KCNH7: variants seen among roughly 807,000 people sequenced by gnomAD.
The protein encoded by KCNH7 is voltage-gated inwardly rectifying potassium channel KCNH7.
A neutral mutation model predicts 120.8 loss-of-function variants in KCNH7; 49 were observed. That is an observed-to-expected ratio of 0.41 (90% CI 0.32 to 0.51). The LOEUF (loss-of-function observed/expected upper bound fraction) is 0.51, where lower values mean the gene tolerates loss of function less well. KCNH7 is among the 20% of genes least tolerant of loss of function. KCNH7 has a pLI of 0.38. For missense variants in KCNH7, 1,097 were observed against 1,446.6 expected (o/e 0.76, Z 3.92); for synonymous variants, 547 against 516.1 (o/e 1.06, Z -0.81).
At chr2:162,739,224 C>A (rs143982000) in intron 2 of KCNH7, among the ~76,000 whole-genome samples, 2 of 152,250 alleles carry the variant, frequency 1.3e-5, no homozygotes, top group East Asian at 3.9e-4. Context: ...TACTCTTACT[C>A]TAACTTTCCT....
chr2:162,664,325 T>C (rs1685064617), intron 2 of KCNH7, among the ~76,000 whole-genome samples: 1 of 152,152 alleles, frequency 6.6e-6, no homozygotes, highest in Non-Finnish European at 1.5e-5. Context: ...TGAAAAATTG[T>C]GTTAGCAATT....
chr2:162,657,231 C>G (rs1372864711), intron 2 of KCNH7, among the ~76,000 whole-genome samples: 1 of 152,266 alleles, frequency 6.6e-6, no homozygotes, highest in East Asian at 1.9e-4. Flanking sequence ...TTTTGAAAAG[C>G]TATAATGAAA....
chr2:162,659,662 T>C (rs1237829868), intron 2 of KCNH7, among the ~76,000 whole-genome samples: 1 of 152,172 alleles, frequency 6.6e-6, no homozygotes, highest in Admixed American at 6.5e-5. Context: ...ATGTAATTCT[T>C]TTCATACATT....
chr2:162,511,891 A>G (rs947204859), intron 5 of KCNH7, among the ~76,000 whole-genome samples: 1 of 151,742 alleles, frequency 6.6e-6, no homozygotes, highest in Non-Finnish European at 1.5e-5. Flanking sequence ...AGCAGCATGC[A>G]TGGCCTATGT....
At chr2:162,584,664 A>G (rs1191736177) in intron 2 of KCNH7, among the ~76,000 whole-genome samples, 1 of 152,036 alleles carries the variant, frequency 6.6e-6, no homozygotes, top group Non-Finnish European at 1.5e-5. Context: ...CTGGGAACCT[A>G]TTACAACTGG....
chr2:162,426,059 C>T (rs963130206), intron 8 of KCNH7, among the ~76,000 whole-genome samples: 1 of 151,762 alleles, frequency 6.6e-6, no homozygotes, highest in African/African-American at 2.4e-5. Context: ...ACAACAAATA[C>T]AAACATTAGC....
intron 7 of KCNH7, among the ~76,000 whole-genome samples, chr2:162,443,277 C>T (rs562785983): frequency 1.2e-4 from 19 of 152,252 alleles, no homozygotes; most frequent in Non-Finnish European, 2.4e-4. Context: ...TCTAGATGCT[C>T]ATGGGGTGCT....
chr2:162,553,848 G>T (rs941104668), intron 2 of KCNH7, among the ~76,000 whole-genome samples: 1 of 152,096 alleles, frequency 6.6e-6, no homozygotes, highest in Non-Finnish European at 1.5e-5. Context: ...AACTAAAATG[G>T]TCAACAGGTC....
intron 2 of KCNH7, among the ~76,000 whole-genome samples, chr2:162,686,224 C>T (rs1246303982): frequency 5.3e-5 from 8 of 152,034 alleles, no homozygotes; most frequent in Non-Finnish European, 1.5e-5. Context: ...ACAGCAATCT[C>T]CCAATTCAAA....
At position 162,373,618 on chromosome 2, in the gene KCNH7, A is replaced by G; in HGVS notation, c.3176T>C (p.Leu1059Ser). Residue 1059 changes from leucine (L) to serine (S), a missense_variant, in exon 15 of 16, where the codon TTG (leucine) becomes TCG (serine). Leu to Ser is a moderately radical substitution (Grantham distance 145). Transcript: ENST00000332142. ...GACCACAGTGGTTTGTTTCTGCAGCAACTGTAAGATGGTCTGGATGTCAGT... is the reference window on the plus strand; with the variant it reads ...GACCACAGTGGTTTGTTTCTGCAGCGACTGTAAGATGGTCTGGATGTCAGT... ...MTTDIQTILQ[L>S]LQKQTTVVPP... 1 of 1,564,650 alleles carries G rather than the reference A, an allele frequency of 6.4e-7. No individual in the cohort carries two copies. The highest frequency in any genetic ancestry group is 8.7e-7 in the Non-Finnish European group (1 of 1,153,994).
chr2:162,731,219 CAT>C (rs59151335), intron 2 of KCNH7, among the ~76,000 whole-genome samples: 2,853 of 138,976 alleles, frequency 0.021, 92 homozygotes, highest in African/African-American at 0.081. Flanking sequence ...TGCATACATA[CAT>C]ATATATATAT....
intron 2 of KCNH7, among the ~76,000 whole-genome samples, chr2:162,704,854 C>T (rs1406261247): frequency 1.3e-5 from 2 of 152,068 alleles, no homozygotes; most frequent in Admixed American, 1.3e-4. Flanking sequence ...CCTTCTTAAT[C>T]GGAAGTAGTT....
intron 9 of KCNH7, among the ~76,000 whole-genome samples, chr2:162,414,792 A>G (rs570818106): frequency 6.6e-6 from 1 of 152,144 alleles, no homozygotes; most frequent in South Asian, 2.1e-4. Context: ...TTCATAAAAA[A>G]GTAGAGATGT....
intron 2 of KCNH7, among the ~76,000 whole-genome samples, chr2:162,688,091 A>G (rs1346287075): frequency 6.6e-6 from 1 of 152,316 alleles, no homozygotes; most frequent in Non-Finnish European, 1.5e-5. Flanking sequence ...ATTTTATTGC[A>G]TGAGAGGAAT....
intron 2 of KCNH7, among the ~76,000 whole-genome samples, chr2:162,689,792 T>C (rs1686036544): frequency 6.6e-6 from 1 of 152,140 alleles, no homozygotes; most frequent in Admixed American, 6.5e-5. Flanking sequence ...AAAATATATT[T>C]TTAACATTCC....
At chr2:162,686,426 G>T (rs1224981843) in intron 2 of KCNH7, among the ~76,000 whole-genome samples, 1 of 152,100 alleles carries the variant, frequency 6.6e-6, no homozygotes, top group East Asian at 1.9e-4. Context: ...AGACTAGCCA[G>T]TGCAAACCAT....
chr2:162,530,997 A>T (rs1691903868), intron 3 of KCNH7, among the ~76,000 whole-genome samples: 2 of 151,960 alleles, frequency 1.3e-5, no homozygotes, highest in Admixed American at 1.3e-4. Context: ...AGAAGGGTGT[A>T]ATCAAAACCG....
At chr2:162,560,981 AATGGAATT>A (rs1457148798) in intron 2 of KCNH7, among the ~76,000 whole-genome samples, 1 of 152,190 alleles carries the variant, frequency 6.6e-6, no homozygotes, top group Admixed American at 6.5e-5. Flanking sequence ...CTGATGTCAA[AATGGAATT>A]ATTCTTATAT....
chr2:162,636,509 T>A (rs1326696539), intron 2 of KCNH7, among the ~76,000 whole-genome samples: 1 of 152,256 alleles, frequency 6.6e-6, no homozygotes, highest in East Asian at 1.9e-4. Flanking sequence ...ACTGTCTAGA[T>A]AAAATTTTCT....
Sources: allele counts gnomAD v4.1 joint callset (sites outside exome capture counted in the v4.1 genomes callset), GRCh38; gene constraint gnomAD v4.1.1; transcripts MANE v1.5; gene names NCBI Gene and HGNC (gene_info 2026-07-23, HGNC 2026-07-21).